Variants in OR2L13 observed in about 807,000 individuals in gnomAD.
The protein encoded by OR2L13 is olfactory receptor family 2 subfamily L member 13.
OR2L13 carries 14 observed loss-of-function variants against 15.3 expected under a neutral mutation model. That is an observed-to-expected ratio of 0.91 (90% confidence interval 0.60 to 1.43). The LOEUF (loss-of-function observed/expected upper bound fraction) is 1.43, where lower values mean the gene tolerates loss of function less well. Among genes scored for constraint, OR2L13 ranks in the 40% most tolerant of loss-of-function variants. OR2L13 has a pLI of 0.00. For missense variants in OR2L13, 367 were observed against 387.9 expected (o/e 0.95, Z 0.45); for synonymous variants, 152 against 142.9 (o/e 1.06, Z -0.45).
At chr1:248,008,513 C>T in the OR2L13 span, among the ~76,000 whole-genome samples, 1 of 152,054 alleles carries the variant, frequency 6.6e-6, no homozygotes, top group African/African-American at 2.4e-5. Context: ...AGTGATCTCT[C>T]ATGTTTCTAC....
chr1:247,965,227 A>G, the OR2L13 span: 1 of 915,106 alleles, frequency 1.1e-6, no homozygotes, highest in Non-Finnish European at 1.6e-6. Context: ...ACCAGAAAGC[A>G]CTTTGTGCTC....
At chr1:248,017,799 C>T in the OR2L13 span, among the ~76,000 whole-genome samples, 1 of 152,048 alleles carries the variant, frequency 6.6e-6, no homozygotes, top group South Asian at 2.1e-4. Flanking sequence ...TTCGTGATTC[C>T]GTCTCTAGAA....
chr1:247,986,006 T>G, the OR2L13 span, among the ~76,000 whole-genome samples: 1 of 152,202 alleles, frequency 6.6e-6, no homozygotes, highest in African/African-American at 2.4e-5. Context: ...ATTCTGGATA[T>G]TAGCCCTTTG....
chr1:248,070,431 A>C, the OR2L13 span, among the ~76,000 whole-genome samples: 1 of 152,194 alleles, frequency 6.6e-6, no homozygotes, highest in Admixed American at 6.6e-5. Flanking sequence ...AAACAACAAG[A>C]ACAAAGACAC....
At chr1:248,028,001 C>CGTGGTT in the OR2L13 span, among the ~76,000 whole-genome samples, 2 of 151,696 alleles carry the variant, frequency 1.3e-5, no homozygotes, top group South Asian at 4.2e-4. Flanking sequence ...ATTAGCTGGG[C>CGTGGTT]GTGGTTGTGG....
the OR2L13 span, among the ~76,000 whole-genome samples, chr1:248,000,905 T>C: frequency 2.6e-5 from 4 of 152,166 alleles, no homozygotes; most frequent in African/African-American, 9.7e-5. Context: ...TTACCACTTA[T>C]ATGGAGTTTT....
chr1:248,081,077 A>C, the OR2L13 span, among the ~76,000 whole-genome samples: 2 of 152,224 alleles, frequency 1.3e-5, no homozygotes, highest in Non-Finnish European at 2.9e-5. Context: ...AAAAGCTTCC[A>C]GGGACAATGT....
At chr1:247,995,098 C>T in the OR2L13 span, among the ~76,000 whole-genome samples, 20 of 152,326 alleles carry the variant, frequency 1.3e-4, no homozygotes, top group Admixed American at 5.2e-4. Context: ...GTCCTCATGA[C>T]ATTAGGTCCA....
the OR2L13 span, among the ~76,000 whole-genome samples, chr1:247,986,526 A>C: frequency 0.029 from 4,343 of 152,232 alleles, 83 homozygotes; most frequent in Middle Eastern, 0.061. Flanking sequence ...CTTGTAGTAT[A>C]GTTTGAAGTC....
exon 3 of OR2L13, chr1:248,099,523 G>A (rs143988315): frequency 2.5e-6 from 4 of 1,613,758 alleles, no homozygotes; most frequent in African/African-American, 1.3e-5. Context: ...CCTCATCCAC[G>A]TGGATCCTCG....
At chr1:248,028,016 C>T in the OR2L13 span, among the ~76,000 whole-genome samples, 1 of 151,694 alleles carries the variant, frequency 6.6e-6, no homozygotes, top group Non-Finnish European at 1.5e-5. Context: ...TTGTGGGTGC[C>T]TTTAGTCTCA....
chr1:248,013,398 C>T, the OR2L13 span, among the ~76,000 whole-genome samples: 1 of 152,144 alleles, frequency 6.6e-6, no homozygotes, highest in Non-Finnish European at 1.5e-5. Context: ...TCTAATTACA[C>T]AATGAGAACT....
At chr1:248,021,039 C>T in the OR2L13 span, among the ~76,000 whole-genome samples, 5 of 151,920 alleles carry the variant, frequency 3.3e-5, no homozygotes, top group African/African-American at 1.2e-4. Context: ...AAAAAATCAT[C>T]CAGAAAACAT....
the OR2L13 span, among the ~76,000 whole-genome samples, chr1:247,985,461 AG>A: frequency 1.3e-5 from 2 of 152,310 alleles, no homozygotes; most frequent in South Asian, 4.1e-4. Context: ...ATGGCTGCAT[AG>A]TATTCCATGG....
chr1:248,049,070 T>A, the OR2L13 span, among the ~76,000 whole-genome samples: 1 of 151,940 alleles, frequency 6.6e-6, no homozygotes, highest in Non-Finnish European at 1.5e-5. Context: ...ATATAGGGAG[T>A]AAAATCTGTG....
the OR2L13 span, among the ~76,000 whole-genome samples, chr1:247,988,021 T>G: frequency 6.6e-6 from 1 of 152,184 alleles, no homozygotes; most frequent in African/African-American, 2.4e-5. Context: ...ATTAAAATTT[T>G]TAGAAGTGTT....
the OR2L13 span, among the ~76,000 whole-genome samples, chr1:247,986,827 C>T: frequency 6.6e-6 from 1 of 152,126 alleles, no homozygotes; most frequent in Non-Finnish European, 1.5e-5. Context: ...AGGTCCTTCA[C>T]GTCCGTTGTA....
chr1:248,053,058 G>C, the OR2L13 span, among the ~76,000 whole-genome samples: 1 of 151,884 alleles, frequency 6.6e-6, no homozygotes, highest in African/African-American at 2.4e-5. Context: ...CATCACCTAG[G>C]TATTAAGCCC....
At chr1:247,984,719 T>G in the OR2L13 span, among the ~76,000 whole-genome samples, 1 of 152,356 alleles carries the variant, frequency 6.6e-6, no homozygotes, top group Non-Finnish European at 1.5e-5. Context: ...AATGTTTTTA[T>G]GAGGATAAAT....
Sources: allele counts gnomAD v4.1 joint callset (sites outside exome capture counted in the v4.1 genomes callset), GRCh38; gene constraint gnomAD v4.1.1; transcripts MANE v1.5; gene names NCBI Gene and HGNC (gene_info 2026-07-23, HGNC 2026-07-21).